The following ARSG variants were observed in gnomAD, a reference collection of about 807,000 sequenced individuals.
ARSG encodes arylsulfatase G.
In ARSG, 37 loss-of-function variants were observed where a neutral mutation model predicts 50.5. The observed-to-expected ratio is 0.73, with a 90% CI of 0.56 to 0.96. ARSG has a LOEUF of 0.96. Ranked by LOEUF, ARSG falls within the 50% of genes least tolerant of loss-of-function variation. The pLI, the probability that ARSG is intolerant of heterozygous loss-of-function variation, is 0.00. For synonymous variants in ARSG, 225 were observed against 254.6 expected (o/e 0.88, Z 1.11); for missense variants, 629 against 675.3 (o/e 0.93, Z 0.76).
rs554596426 is a variant in ARSG at position 68,376,584 on chromosome 17, C to G, written c.982+6060C>G. Among the ~76,000 whole-genome samples, 5 of 152,092 alleles carry G rather than the reference C, an allele frequency of 3.3e-5. No homozygotes were observed. The East Asian group carries it at 9.7e-4, about 29-fold the overall frequency. ...GGGATTACAGGTGTGAGCCACTGCA[C>G]CTGTCCTATGCCTAGCTTTTAAAAT... On this transcript the variant is annotated intron_variant, in intron 8 of 11. Transcript: ENST00000621439.
chr17:68,383,397 C>T lies in ARSG; in HGVS notation c.983-1667C>T, dbSNP rs376989232. Among the ~76,000 whole-genome samples the T allele has an allele frequency of 2.3e-4, 35 of 152,320 alleles. No homozygotes were observed. In the East Asian group the frequency reaches 4.4e-3, roughly 19 times the overall value. The stretch of plus-strand genomic sequence containing the variant: ...CCCACCCCAGTGCCTTCTGGTTGAC[C>T]GATAGAGCTAATGGCTTGTTTCCTG... On this transcript the variant is annotated intron_variant, in intron 8 of 11. Transcript: ENST00000621439.
chr17:68,410,723 G>C (rs911848046), intron 11 of ARSG, among the ~76,000 whole-genome samples: 1 of 152,116 alleles, frequency 6.6e-6, no homozygotes, highest in African/African-American at 2.4e-5. Context: ...TCTACCTCTG[G>C]TAGAATTCAG....
intron 6 of ARSG, among the ~76,000 whole-genome samples, chr17:68,360,742 G>T (rs3785602): frequency 6.6e-6 from 1 of 152,004 alleles, no homozygotes; most frequent in African/African-American, 2.4e-5. Flanking sequence ...TTGCACCTAC[G>T]CGGGCAATAC....
chr17:68,268,579 G>A (rs2075224010), intron 1 of ARSG: 1 of 151,760 alleles, frequency 6.6e-6, no homozygotes, highest in African/African-American at 2.4e-5. Context: ...TCATATTTCT[G>A]AAAATTAGGA....
chr17:68,282,779 T>TAAA (rs36155626), intron 1 of ARSG, among the ~76,000 whole-genome samples: 39 of 53,352 alleles, frequency 7.3e-4, no homozygotes, highest in South Asian at 1.4e-3. Flanking sequence ...CCATCTCTAC[T>TAAA]AAAAAAAAAA....
At chr17:68,412,114 A>G (rs1600146921) in intron 11 of ARSG, among the ~76,000 whole-genome samples, 1 of 152,302 alleles carries the variant, frequency 6.6e-6, no homozygotes, top group East Asian at 1.9e-4. Context: ...CATTTAGTCC[A>G]TTTACATTTA....
chr17:68,417,325 C>G (rs1255396910), intron 11 of ARSG, among the ~76,000 whole-genome samples: 1 of 152,116 alleles, frequency 6.6e-6, no homozygotes, highest in Non-Finnish European at 1.5e-5. Context: ...GTTAAGAAAA[C>G]TAGAATGTTT....
downstream of ARSG, chr17:68,422,039 G>A: frequency 1.7e-6 from 1 of 587,900 alleles, no homozygotes; most frequent in Non-Finnish European, 3.0e-6. Context: ...CTATAAAAAT[G>A]TCTCTGTGTG....
At chr17:68,423,048 G>A (rs1406646358), downstream of ARSG, among the ~76,000 whole-genome samples, 2 of 152,110 alleles carry the variant, frequency 1.3e-5, no homozygotes, top group Admixed American at 1.3e-4. This position sits in a 1 kb window ranked among gnomAD's most constrained non-coding sequence, Gnocchi z 4.4. Context: ...TTAAGGCAGC[G>A]GCTCACAGAG....
At chr17:68,441,363 AGTTTATG>A in the ARSG span, among the ~76,000 whole-genome samples, 1 of 152,260 alleles carries the variant, frequency 6.6e-6, no homozygotes, top group Non-Finnish European at 1.5e-5. Flanking sequence ...ATTTACTTGT[AGTTTATG>A]AAGTCAAAAT....
At chr17:68,312,132 T>C (rs1384176301) in intron 2 of ARSG, among the ~76,000 whole-genome samples, 1 of 152,130 alleles carries the variant, frequency 6.6e-6, no homozygotes, top group Non-Finnish European at 1.5e-5. Context: ...CAGCTTGTGG[T>C]AATTTGTTAT....
rs1290438803 is a variant in ARSG at position 68,381,019 on chromosome 17, A to G, written c.983-4045A>G. ...CAGAGCCCCACCCCAGACTTATTAAATTAGAATTCCTGGGAATAGGACCCA... is the reference window on the plus strand; with the variant it reads ...CAGAGCCCCACCCCAGACTTATTAAGTTAGAATTCCTGGGAATAGGACCCA... On this transcript the variant is annotated intron_variant, in intron 8 of 11. Coordinates refer to ENST00000621439, the MANE Select transcript of ARSG (RefSeq NM_001267727.2). This position sits in a 1 kb window ranked among gnomAD's most constrained non-coding sequence, Gnocchi z 4.1. Among the ~76,000 whole-genome samples the G allele has an allele frequency of 6.6e-6, 1 of 152,178 alleles. No homozygotes were observed. The highest frequency in any genetic ancestry group is 1.5e-5 in the Non-Finnish European group (1 of 68,032).
intron 1 of ARSG, among the ~76,000 whole-genome samples, chr17:68,275,299 G>A (rs1659499766): frequency 6.6e-6 from 1 of 152,130 alleles, no homozygotes; most frequent in South Asian, 2.1e-4. Flanking sequence ...TGAGAGTTGG[G>A]TCAAGGAACA....
chr17:68,418,914 C>T (rs2082564748), intron 11 of ARSG, among the ~76,000 whole-genome samples: 1 of 150,726 alleles, frequency 6.6e-6, no homozygotes, highest in Non-Finnish European at 1.5e-5. Flanking sequence ...TTTAGGAACT[C>T]TTGTAATTTT....
At chr17:68,341,184 G>T (rs1471334323) in intron 2 of ARSG, among the ~76,000 whole-genome samples, 1 of 152,102 alleles carries the variant, frequency 6.6e-6, no homozygotes, top group African/African-American at 2.4e-5. Flanking sequence ...TACTTGAAAT[G>T]ATTCTTTCCT....
chr17:68,319,880 G>T (rs931902579), intron 2 of ARSG, among the ~76,000 whole-genome samples: 1 of 152,204 alleles, frequency 6.6e-6, no homozygotes, highest in African/African-American at 2.4e-5. Flanking sequence ...GACAGCTTAG[G>T]GGATAGAACT....
At position 68,378,743 on chromosome 17, in the gene ARSG, T is replaced by A. The variant is rs557456638; in HGVS notation, c.983-6321T>A. On this transcript the variant is annotated intron_variant, in intron 8 of 11. Transcript: ENST00000621439. This position sits in a 1 kb window ranked among gnomAD's most constrained non-coding sequence, Gnocchi z 4.4. ...GCTCCTCTGTCTGGAAAATCTTTTCTCGTTTTATTTGAAGAGCAGAACTGT... is the reference window on the plus strand; with the variant it reads ...GCTCCTCTGTCTGGAAAATCTTTTCACGTTTTATTTGAAGAGCAGAACTGT... 6.6e-6 allele frequency among the ~76,000 whole-genome samples: 1 copy of A among 152,210 alleles called. No individual in the cohort carries two copies. The highest frequency in any genetic ancestry group is 2.4e-5 in the African/African-American group (1 of 41,446).
intron 9 of ARSG, among the ~76,000 whole-genome samples, chr17:68,388,402 C>T (rs76248943): frequency 0.073 from 11,067 of 152,076 alleles, 755 homozygotes; most frequent in African/African-American, 0.17. Context: ...ACAATTAAAA[C>T]GTTTCCAGAC....
chr17:68,383,749 G>T (rs141496092), intron 8 of ARSG, among the ~76,000 whole-genome samples: 2 of 152,364 alleles, frequency 1.3e-5, no homozygotes, highest in East Asian at 3.9e-4. Flanking sequence ...GGAGCTATAT[G>T]TATTTATGGG....
Sources: gnomAD v4.1 joint callset for allele counts (sites outside exome capture counted in the v4.1 genomes callset) on GRCh38, gnomAD v4.1.1 for gene constraint, Gnocchi (gnomAD v3.1) non-coding constraint, MANE v1.5 for transcripts, NCBI Gene and HGNC (gene_info 2026-07-23, HGNC 2026-07-21) for gene names.